Variants in LHFPL4 observed in about 807,000 individuals in gnomAD.
The protein encoded by LHFPL4 is LHFPL tetraspan subfamily member 4 protein.
In LHFPL4, 6 loss-of-function variants were observed where a neutral mutation model predicts 20.0. That is an observed-to-expected ratio of 0.30 (90% CI 0.16 to 0.59). The LOEUF is 0.59. Ranked by LOEUF, LHFPL4 falls within the 20% of genes least tolerant of loss-of-function variation. The pLI is 0.88. For missense variants in LHFPL4, 215 were observed against 331.2 expected (o/e 0.65, Z 2.72); for synonymous variants, 129 against 143.8 (o/e 0.90, Z 0.74).
chr3:9,530,195 TCTC>T (rs2046400588), intron 2 of LHFPL4, among the ~76,000 whole-genome samples: 1 of 152,130 alleles, frequency 6.6e-6, no homozygotes, highest in Non-Finnish European at 1.5e-5. Context: ...GGCATTGACT[TCTC>T]CTCTCTAGCT....
Position 9,501,232 on chromosome 3 carries a change from G to A in LHFPL4, c.*979C>T, listed in dbSNP as rs2046170216. 6.5e-6 allele frequency: 1 copy of A among 152,674 alleles called. No individual in the cohort carries two copies. Among genetic ancestry groups the A allele is most frequent in the Admixed American group, 6.5e-5 (1 of 15,280 alleles). The allele number at this position is 152,674 out of a possible 1,614,324, so 9.5% of individuals were successfully genotyped here. A position where few individuals can be genotyped will look rare whatever the true frequency, so the allele number is the denominator to read the frequency against. On this transcript the variant is annotated 3_prime_UTR_variant, in exon 4 of 4. Transcript: ENST00000287585. ...CTTGGTAGACGCCTGGGGTATGGAGGGCATGAAAAGGGGCAGAAGGGGTAA... is the reference window on the plus strand; with the variant it reads ...CTTGGTAGACGCCTGGGGTATGGAGAGCATGAAAAGGGGCAGAAGGGGTAA...
At chr3:9,540,941 A>G (rs2046472820) in intron 2 of LHFPL4, among the ~76,000 whole-genome samples, 1 of 151,580 alleles carries the variant, frequency 6.6e-6, no homozygotes, top group Non-Finnish European at 1.5e-5. Context: ...TTTAAAAATA[A>G]AATAATTTTT....
chr3:9,511,906 G>A (rs574096071), intron 2 of LHFPL4, among the ~76,000 whole-genome samples: 3 of 151,602 alleles, frequency 2.0e-5, no homozygotes, highest in South Asian at 4.2e-4. Flanking sequence ...TCCACAGGAG[G>A]CTTGGCTGCA....
intron 2 of LHFPL4, among the ~76,000 whole-genome samples, chr3:9,534,683 T>C (rs1244482441): frequency 6.6e-6 from 1 of 152,206 alleles, no homozygotes; most frequent in Non-Finnish European, 1.5e-5. Flanking sequence ...GGGTGGGGTT[T>C]GACTGCTAGT....
intron 2 of LHFPL4, among the ~76,000 whole-genome samples, chr3:9,525,766 T>TGAAAAAATGG (rs2046370269): frequency 6.6e-6 from 1 of 152,170 alleles, no homozygotes; most frequent in African/African-American, 2.4e-5. Flanking sequence ...CTTATACGTT[T>TGAAAAAATGG]GAAAAAATGG....
At chr3:9,522,240 C>A (rs1031353162) in intron 2 of LHFPL4, among the ~76,000 whole-genome samples, 2 of 151,016 alleles carry the variant, frequency 1.3e-5, no homozygotes, top group Admixed American at 1.3e-4. Context: ...GTGATCTGCC[C>A]GCCTTGGCCT....
At chr3:9,513,082 C>T (rs748633463) in intron 2 of LHFPL4, among the ~76,000 whole-genome samples, 57 of 152,102 alleles carry the variant, frequency 3.7e-4, no homozygotes, top group Non-Finnish European at 6.9e-4. Context: ...GCCTCAGCCT[C>T]CCGAGTAGCT....
chr3:9,511,814 G>T (rs1028257360), intron 2 of LHFPL4, among the ~76,000 whole-genome samples: 3 of 152,210 alleles, frequency 2.0e-5, no homozygotes, highest in Admixed American at 2.0e-4. Flanking sequence ...AATTGGAAAT[G>T]GAACCATGTG....
At position 9,502,269 on chromosome 3, in the gene LHFPL4, C is replaced by T; in HGVS notation, c.686G>A (p.Gly229Asp). ...STVSSVLRPG[G>D]DVSGWGVLPC... The stretch of plus-strand genomic sequence containing the variant: ...AAGGACTCCCCATCCAGAGACATCA[C>T]CCCCGGGCCGCAACACGGAGCTTAC... The change falls in exon 4 of 4, where the codon GGT becomes GAT. Residue 229 changes from glycine (G) to aspartate (D), a missense_variant. By Grantham distance (94) the Gly-to-Asp change is moderately conservative. Around this residue, in one of 2 missense-constraint regions of LHFPL4, gnomAD observed 51 missense variants for 44.5 expected, o/e 1.15. Coordinates refer to ENST00000287585, the MANE Select transcript of LHFPL4 (RefSeq NM_198560.3). 1 of 1,613,882 alleles carries T rather than the reference C, an allele frequency of 6.2e-7. No homozygotes were observed. The highest frequency in any genetic ancestry group is 1.1e-5 in the South Asian group (1 of 91,058).
chr3:9,503,356 A>T lies in LHFPL4; in HGVS notation c.644-1045T>A, dbSNP rs112395105. Among the ~76,000 whole-genome samples the T allele has an allele frequency of 2.9e-3, 447 of 152,322 alleles. 5 individuals are homozygous for T. The highest frequency in any genetic ancestry group is 1.0e-2 in the African/African-American group (414 of 41,578). On this transcript the variant is annotated intron_variant, in intron 3 of 3. Transcript: ENST00000287585. The stretch of plus-strand genomic sequence containing the variant: ...CACACCCCTTCTTGAGAAAGGCCAG[A>T]TCTCAGTCTGTCTTGCACTTCTGAA...
At chr3:9,528,516 C>G (rs1401224918) in intron 2 of LHFPL4, among the ~76,000 whole-genome samples, 1 of 152,194 alleles carries the variant, frequency 6.6e-6, no homozygotes, top group Non-Finnish European at 1.5e-5. Context: ...AAGTATTCAG[C>G]TCCTCAAAGT....
chr3:9,521,610 A>C (rs1464282970), intron 2 of LHFPL4, among the ~76,000 whole-genome samples: 3 of 151,188 alleles, frequency 2.0e-5, no homozygotes, highest in Non-Finnish European at 4.4e-5. Flanking sequence ...TCGCCATGTT[A>C]GCCAGGATGA....
intron 2 of LHFPL4, among the ~76,000 whole-genome samples, chr3:9,523,107 A>AAAGC (rs140174455): frequency 2.5e-3 from 364 of 144,538 alleles, no homozygotes; most frequent in Middle Eastern, 0.011. Context: ...AGAGAGAGAG[A>AAAGC]AAGCAAGCAA....
At chr3:9,541,795 G>A (rs1204641196) in intron 2 of LHFPL4, among the ~76,000 whole-genome samples, 6 of 151,782 alleles carry the variant, frequency 4.0e-5, no homozygotes, top group African/African-American at 9.7e-5. Flanking sequence ...ATGGATCAAA[G>A]ACCTAAATGT....
At chr3:9,516,536 C>T (rs144524637) in intron 2 of LHFPL4, among the ~76,000 whole-genome samples, 58 of 151,824 alleles carry the variant, frequency 3.8e-4, no homozygotes, top group African/African-American at 1.2e-3. Flanking sequence ...TACAGTGGCA[C>T]GATCTAGGCT....
chr3:9,531,251 C>T (rs779840837), intron 2 of LHFPL4, among the ~76,000 whole-genome samples: 1 of 152,186 alleles, frequency 6.6e-6, no homozygotes, highest in Non-Finnish European at 1.5e-5. Context: ...CACAGAGCCA[C>T]GAAGTGGGCA....
At chr3:9,518,527 C>G (rs1331352115) in intron 2 of LHFPL4, among the ~76,000 whole-genome samples, 3 of 152,086 alleles carry the variant, frequency 2.0e-5, no homozygotes, top group Non-Finnish European at 4.4e-5. Context: ...CCAGTGAACC[C>G]ATCAGGGCCT....
intron 2 of LHFPL4, among the ~76,000 whole-genome samples, chr3:9,526,577 G>A (rs919914983): frequency 1.3e-5 from 2 of 152,094 alleles, no homozygotes; most frequent in Admixed American, 6.5e-5. Context: ...GTTTAATTGC[G>A]TTCCCTCAAA....
intron 2 of LHFPL4, among the ~76,000 whole-genome samples, chr3:9,526,831 G>A (rs1333252008): frequency 6.6e-6 from 1 of 152,168 alleles, no homozygotes; most frequent in Non-Finnish European, 1.5e-5. Flanking sequence ...GAAGGGAGAT[G>A]AGATCAGGGA....
Sources: allele counts gnomAD v4.1 joint callset (sites outside exome capture counted in the v4.1 genomes callset), GRCh38; gene constraint gnomAD v4.1.1; regional missense constraint gnomAD v4.1.1; transcripts MANE v1.5; gene names NCBI Gene and HGNC (gene_info 2026-07-23, HGNC 2026-07-21).